CRPPA: variants seen among roughly 807,000 people sequenced by gnomAD.
CRPPA encodes the protein D-ribitol-5-phosphate cytidylyltransferase.
CRPPA carries 43 observed loss-of-function variants against 52.0 expected under a neutral mutation model. The ratio of observed to expected loss-of-function variants is 0.83; its 90% CI spans 0.65 to 1.07. CRPPA has a LOEUF of 1.07. Ranked by LOEUF, CRPPA falls within the 50% of genes least tolerant of loss-of-function variation. The pLI is 0.00. For synonymous variants in CRPPA, 250 were observed against 203.5 expected (o/e 1.23, Z -1.94); for missense variants, 629 against 551.7 (o/e 1.14, Z -1.40).
At chr7:16,367,167 C>G (rs1191426235) in intron 3 of CRPPA, among the ~76,000 whole-genome samples, 2 of 97,944 alleles carry the variant, frequency 2.0e-5, no homozygotes, top group African/African-American at 1.3e-4. Context: ...CTCCATTTGT[C>G]AAAATTTAAA....
At position 16,136,931 on chromosome 7, in the gene CRPPA, C is replaced by G. The variant is rs138336388; in HGVS notation, c.1252-45132G>C. The stretch of plus-strand genomic sequence containing the variant: ...TCTATAATGTGGGCCAAGTTTAAAC[C>G]CATTAAGATAATTTTTTAGAAACTA... On this transcript the variant is annotated intron_variant, in intron 9 of 9. Coordinates refer to ENST00000407010, the MANE Select transcript of CRPPA (RefSeq NM_001101426.4). Among the ~76,000 whole-genome samples the G allele has an allele frequency of 3.3e-5, 5 of 152,132 alleles. 1 individual carries two copies. Among genetic ancestry groups the G allele is most frequent in the African/African-American group, 4.8e-5 (2 of 41,414 alleles).
chr7:16,176,233 T>G (rs570456980), intron 9 of CRPPA, among the ~76,000 whole-genome samples: 15 of 152,278 alleles, frequency 9.9e-5, no homozygotes, highest in African/African-American at 3.4e-4. Flanking sequence ...ACAAAATATT[T>G]AAAGAGAGAA....
chr7:16,131,225 G>C (rs1426573798), intron 9 of CRPPA, among the ~76,000 whole-genome samples: 2 of 152,176 alleles, frequency 1.3e-5, no homozygotes, highest in Non-Finnish European at 2.9e-5. Context: ...ACTGAGTTTT[G>C]AGGTGCATAC....
intron 9 of CRPPA, among the ~76,000 whole-genome samples, chr7:16,145,958 C>T (rs943006349): frequency 1.2e-4 from 18 of 152,048 alleles, no homozygotes; most frequent in African/African-American, 2.7e-4. Flanking sequence ...GAACATCCAG[C>T]TCTTCAATGT....
intron 9 of CRPPA, 46 bp from the exon 10 acceptor site, chr7:16,091,845 C>G: frequency 8.7e-7 from 1 of 1,151,768 alleles, no homozygotes; most frequent in Non-Finnish European, 1.2e-6. Flanking sequence ...AAAACATATG[C>G]CATGTGTTAA....
At chr7:16,416,831 G>C (rs1788206388) in intron 1 of CRPPA, among the ~76,000 whole-genome samples, 1 of 151,668 alleles carries the variant, frequency 6.6e-6, no homozygotes, top group South Asian at 2.1e-4. Flanking sequence ...AGCACAGTGA[G>C]ACCCTATCTC....
At chr7:16,371,708 G>C (rs780057936) in intron 3 of CRPPA, among the ~76,000 whole-genome samples, 1 of 151,464 alleles carries the variant, frequency 6.6e-6, no homozygotes, top group Non-Finnish European at 1.5e-5. Flanking sequence ...TACAAACCAA[G>C]ATGAAATCTC....
intron 9 of CRPPA, among the ~76,000 whole-genome samples, chr7:16,194,575 A>C (rs1781688785): frequency 6.6e-6 from 1 of 152,152 alleles, no homozygotes; most frequent in African/African-American, 2.4e-5. Context: ...GACCCAGAAC[A>C]ATCTGAGTGC....
rs77619397 is a variant in CRPPA, at chr7:16,420,910, T to C, written c.257+156A>G. Among the ~76,000 whole-genome samples, 3,692 of 152,128 alleles carry C rather than the reference T, an allele frequency of 0.024. 145 individuals are homozygous for C. Among genetic ancestry groups the C allele is most frequent in the African/African-American group, 0.085 (3,536 of 41,490 alleles). ...ATCTGTTAAAGGCCAGAACTTCCCA[T>C]CTCTGAAATGCGGGAGGGAACAGAG... On this transcript the variant is annotated intron_variant, in intron 1 of 9. Coordinates refer to ENST00000407010, the MANE Select transcript of CRPPA (RefSeq NM_001101426.4).
In CRPPA at chr7:16,169,252, G is replaced by A. The variant is rs144351911; in HGVS notation, c.1251+46814C>T. On this transcript the variant is annotated intron_variant, in intron 9 of 9. Transcript: ENST00000407010. ...TTAAAAGGGAAGAAAATATGACAGG[G>A]GAAGTTTAAAAAGTACATGTACTAC... is the stretch of plus-strand genomic sequence containing the variant. Among the ~76,000 whole-genome samples, 951 of 152,112 alleles carry A rather than the reference G, an allele frequency of 6.3e-3. 7 individuals are homozygous for A. Among genetic ancestry groups the A allele is most frequent in the Middle Eastern group, 0.02 (6 of 294 alleles).
chr7:16,131,504 G>A (rs1782680645), intron 9 of CRPPA, among the ~76,000 whole-genome samples: 1 of 152,184 alleles, frequency 6.6e-6, no homozygotes, highest in Admixed American at 6.5e-5. Flanking sequence ...CTGGGCTCTG[G>A]TGGAAGCCCA....
intron 9 of CRPPA, among the ~76,000 whole-genome samples, chr7:16,202,998 T>G (rs575671324): frequency 2.6e-5 from 4 of 152,324 alleles, no homozygotes; most frequent in Admixed American, 1.3e-4. Flanking sequence ...GTTTTAGAAT[T>G]ATTTTTAGTG....
At chr7:16,387,045 AT>A in intron 2 of CRPPA, among the ~76,000 whole-genome samples, 1 of 6,524 alleles carries the variant, frequency 1.5e-4, no homozygotes, top group African/African-American at 3.1e-4. Flanking sequence ...TAAAAAAAAG[AT>A]ATATATATAT....
chr7:16,284,456 T>C (rs1784381606), intron 5 of CRPPA, among the ~76,000 whole-genome samples: 1 of 152,098 alleles, frequency 6.6e-6, no homozygotes, highest in South Asian at 2.1e-4. Flanking sequence ...GACACATACA[T>C]TCAATAAGAA....
At position 16,088,966 on chromosome 7, in the gene CRPPA, G is replaced by C. The variant is rs1266851560; in HGVS notation, c.*2729C>G. 9 of 208,100 alleles carry C rather than the reference G, an allele frequency of 4.3e-5. No homozygotes were observed. The East Asian group carries it at 8.6e-4, about 20-fold the overall frequency. 12.9% of individuals were successfully genotyped at this position (208,100 alleles called of 1,614,324 possible). On this transcript the variant is annotated 3_prime_UTR_variant, in exon 10 of 10. Transcript: ENST00000407010. ...CTTATATATCAGATGTCTTTGCCAG[G>C]GGTCATTGTTAGACAGGAATATAAG...
intron 8 of CRPPA, among the ~76,000 whole-genome samples, chr7:16,251,269 A>G (rs1158839767): frequency 6.6e-6 from 1 of 152,148 alleles, no homozygotes; most frequent in African/African-American, 2.4e-5. Flanking sequence ...CTCCCACCCA[A>G]TAATAGGGGG....
chr7:16,345,901 A>C (rs959207012), intron 3 of CRPPA, among the ~76,000 whole-genome samples: 2 of 152,172 alleles, frequency 1.3e-5, no homozygotes, highest in African/African-American at 4.8e-5. Context: ...TCTTTGCCTC[A>C]TTAAGTTATA....
intron 5 of CRPPA, among the ~76,000 whole-genome samples, chr7:16,299,511 T>A (rs1784745612): frequency 6.6e-6 from 1 of 152,110 alleles, no homozygotes; most frequent in Non-Finnish European, 1.5e-5. Flanking sequence ...CCTCAGGTAA[T>A]CACAATGCTG....
intron 8 of CRPPA, among the ~76,000 whole-genome samples, chr7:16,228,220 T>C (rs530231635): frequency 6.6e-6 from 1 of 151,848 alleles, no homozygotes; most frequent in Admixed American, 6.6e-5. Context: ...CTATTCAGGG[T>C]CTAGCAAAAG....
Sources: allele counts gnomAD v4.1 joint callset (sites outside exome capture counted in the v4.1 genomes callset), GRCh38; gene constraint gnomAD v4.1.1; transcripts MANE v1.5; gene names NCBI Gene and HGNC (gene_info 2026-07-23, HGNC 2026-07-21).